The following ATE1 variants were observed in gnomAD, a reference collection of about 807,000 sequenced individuals.
The protein encoded by ATE1 is arginyltransferase 1.
ATE1 carries 36 observed loss-of-function variants against 70.5 expected under a neutral mutation model. The ratio of observed to expected loss-of-function variants is 0.51; its 90% CI spans 0.39 to 0.67. The LOEUF (loss-of-function observed/expected upper bound fraction) is 0.67. Among genes scored for constraint, ATE1 ranks in the 30% least tolerant of loss-of-function variants. ATE1 has a pLI of 0.00. For missense variants in ATE1, 593 were observed against 629.5 expected (o/e 0.94, Z 0.62); for synonymous variants, 232 against 219.3 (o/e 1.06, Z -0.51).
intron 10 of ATE1, among the ~76,000 whole-genome samples, chr10:121,833,141 C>T (rs1948308367): frequency 6.6e-6 from 1 of 152,146 alleles, no homozygotes; most frequent in African/African-American, 2.4e-5. Flanking sequence ...GTTACACATT[C>T]CTGTGTCACC....
At chr10:121,807,152 T>C (rs574708927) in intron 10 of ATE1, among the ~76,000 whole-genome samples, 2 of 152,294 alleles carry the variant, frequency 1.3e-5, no homozygotes, top group Admixed American at 1.3e-4. Flanking sequence ...GAATTAAATA[T>C]TTGCTTTCCC....
chr10:121,838,886 T>C (rs1344219474), intron 9 of ATE1, among the ~76,000 whole-genome samples: 2 of 152,170 alleles, frequency 1.3e-5, no homozygotes, highest in Non-Finnish European at 2.9e-5. Context: ...ATCTACAGGC[T>C]ACATTATATA....
At chr10:121,789,296 C>CTTTT (rs3036893) in intron 11 of ATE1, among the ~76,000 whole-genome samples, 24,176 of 92,616 alleles carry the variant, frequency 0.26, 5,317 homozygotes, top group Middle Eastern at 0.33. Flanking sequence ...CAGGGCTATG[C>CTTTT]TTTTTTTTTT....
At position 121,741,826 on chromosome 10, in the gene ATE1, T is replaced by C. The variant is rs536736172; in HGVS notation, c.*1854A>G. The C allele has an allele frequency of 6.6e-6, 1 of 152,360 alleles. No homozygotes were observed. Among genetic ancestry groups the C allele is most frequent in the South Asian group, 2.1e-4 (1 of 4,834 alleles). The allele number at this position is 152,360 out of a possible 1,614,324, so 9.4% of individuals were successfully genotyped here. ...TAATTCTATTTATATTAAAATTACA[T>C]AGGTATGTGTGTATACATACATGAC... On this transcript the variant is annotated 3_prime_UTR_variant, in exon 12 of 12. Transcript: ENST00000224652.
chr10:121,746,323 C>T (rs1944369457), intron 11 of ATE1, among the ~76,000 whole-genome samples: 1 of 152,182 alleles, frequency 6.6e-6, no homozygotes, highest in Non-Finnish European at 1.5e-5. Context: ...CTACCTAGCA[C>T]ACAGTAGAGG....
At chr10:121,872,335 A>G (rs1212932499) in intron 7 of ATE1, among the ~76,000 whole-genome samples, 2 of 152,210 alleles carry the variant, frequency 1.3e-5, no homozygotes, top group African/African-American at 4.8e-5. Flanking sequence ...GACCTAAAAA[A>G]TTCTCATCCT....
intron 4 of ATE1, among the ~76,000 whole-genome samples, chr10:121,912,526 C>A (rs773775807): frequency 4.0e-4 from 61 of 151,610 alleles, no homozygotes; most frequent in Non-Finnish European, 7.8e-4. Context: ...GTGGCGGGTG[C>A]CTGTGGTCCC....
chr10:121,812,726 T>C (rs1046314091), intron 10 of ATE1, among the ~76,000 whole-genome samples: 1 of 152,218 alleles, frequency 6.6e-6, no homozygotes, highest in African/African-American at 2.4e-5. Context: ...TTCACTATAA[T>C]TTCATTTGTA....
chr10:121,757,498 G>C (rs12411294), intron 11 of ATE1, among the ~76,000 whole-genome samples: 16,962 of 152,144 alleles, frequency 0.11, 1,067 homozygotes, highest in Admixed American at 0.18. Flanking sequence ...AGACATACCT[G>C]AGACTGGGCA....
intron 11 of ATE1, among the ~76,000 whole-genome samples, chr10:121,773,336 T>G (rs1945598443): frequency 6.6e-6 from 1 of 152,224 alleles, no homozygotes; most frequent in African/African-American, 2.4e-5. Flanking sequence ...TGTCATTCAA[T>G]AAGCAAGGTA....
chr10:121,849,167 CCCCATTGCACTCCAG>C (rs1185060464), intron 8 of ATE1, among the ~76,000 whole-genome samples: 1 of 150,876 alleles, frequency 6.6e-6, no homozygotes, highest in Non-Finnish European at 1.5e-5. Context: ...GCCACGATCA[CCCCATTGCACTCCAG>C]CCTGGGTGAC....
intron 10 of ATE1, among the ~76,000 whole-genome samples, chr10:121,836,115 T>C (rs1006429133): frequency 2.0e-5 from 3 of 152,188 alleles, no homozygotes; most frequent in Admixed American, 6.5e-5. Flanking sequence ...CTTCTTCTCC[T>C]AGAAACGTCC....
intron 7 of ATE1, among the ~76,000 whole-genome samples, chr10:121,887,843 A>C (rs1590634082): frequency 6.6e-6 from 1 of 152,230 alleles, no homozygotes; most frequent in Admixed American, 6.5e-5. Flanking sequence ...TACAGAGAGA[A>C]ATCTCTTCTT....
chr10:121,911,643 G>A (rs1295238112), intron 4 of ATE1, among the ~76,000 whole-genome samples: 4 of 152,118 alleles, frequency 2.6e-5, no homozygotes, highest in Non-Finnish European at 5.9e-5. Context: ...AAAAACCAGA[G>A]CAACCTGGGA....
At chr10:121,884,700 C>T (rs965012809) in intron 7 of ATE1, among the ~76,000 whole-genome samples, 2 of 152,130 alleles carry the variant, frequency 1.3e-5, no homozygotes, top group African/African-American at 4.8e-5. Context: ...CTTTGGATCT[C>T]CCCAAAAAGG....
At chr10:121,805,162 C>T (rs183154156) in intron 10 of ATE1, among the ~76,000 whole-genome samples, 3 of 152,258 alleles carry the variant, frequency 2.0e-5, no homozygotes, top group Admixed American at 2.0e-4. Flanking sequence ...TTCCAAAGTA[C>T]TTTTAGCAAA....
At chr10:121,838,153 C>T (rs933974124) in intron 9 of ATE1, among the ~76,000 whole-genome samples, 1 of 152,096 alleles carries the variant, frequency 6.6e-6, no homozygotes, top group Non-Finnish European at 1.5e-5. Context: ...TGTTTCCACT[C>T]TTACCCCTCC....
chr10:121,839,338 G>A (rs34026920), intron 9 of ATE1, among the ~76,000 whole-genome samples: 4,941 of 152,180 alleles, frequency 0.032, 151 homozygotes, highest in African/African-American at 0.081. Context: ...TCAGACACAG[G>A]CCAGAGCTTA....
intron 11 of ATE1, among the ~76,000 whole-genome samples, chr10:121,762,780 G>A (rs977132026): frequency 6.6e-6 from 1 of 152,156 alleles, no homozygotes; most frequent in Non-Finnish European, 1.5e-5. Context: ...TAGCTTTTAC[G>A]AATCTTAAAT....
Sources: gnomAD v4.1 joint callset for allele counts (sites outside exome capture counted in the v4.1 genomes callset) on GRCh38, gnomAD v4.1.1 for gene constraint, MANE v1.5 for transcripts, NCBI Gene and HGNC (gene_info 2026-07-23, HGNC 2026-07-21) for gene names.